Variants in EPM2A observed in about 807,000 individuals in gnomAD.
EPM2A encodes laforin.
In EPM2A, 21 loss-of-function variants were observed where a neutral mutation model predicts 26.5. The observed-to-expected ratio is 0.79, with a 90% confidence interval of 0.56 to 1.14. The LOEUF (loss-of-function observed/expected upper bound fraction) is 1.14, where lower values mean the gene tolerates loss of function less well. Among genes scored for constraint, EPM2A ranks in the 50% most tolerant of loss-of-function variants. The pLI is 0.00. For synonymous variants in EPM2A, 217 were observed against 177.6 expected (o/e 1.22, Z -1.76); for missense variants, 458 against 440.8 (o/e 1.04, Z -0.35).
chr6:145,523,650 C>T (rs938913391), intron 2 of EPM2A, among the ~76,000 whole-genome samples: 1 of 152,196 alleles, frequency 6.6e-6, no homozygotes, highest in African/African-American at 2.4e-5. Flanking sequence ...AACTCCCTCC[C>T]TCTTCTCCTG....
At chr6:145,568,684 T>A (rs1780916712) in intron 2 of EPM2A, among the ~76,000 whole-genome samples, 2 of 152,134 alleles carry the variant, frequency 1.3e-5, no homozygotes, top group South Asian at 4.1e-4. Flanking sequence ...AAGAACTGGC[T>A]TCCAATCTCC....
rs148585960 is a variant in EPM2A at position 145,530,360 on chromosome 6, C to T, written c.341-27785G>A. Among the ~76,000 whole-genome samples the T allele has an allele frequency of 5.3e-5, 8 of 152,298 alleles. No homozygotes were observed. In the South Asian group the frequency reaches 6.2e-4, roughly 12 times the overall value. On this transcript the variant is annotated intron_variant, in intron 2 of 3. Coordinates refer to the EPM2A transcript ENST00000450221. ...TAAAGTTTATTAACGAATTTACATT[C>T]GTTTTACTTCATTCACCATTATTGA...
intron 4 of EPM2A, among the ~76,000 whole-genome samples, chr6:145,403,119 A>G (rs1188653007): frequency 6.6e-6 from 1 of 152,152 alleles, no homozygotes; most frequent in African/African-American, 2.4e-5. Context: ...CATAGTAGGT[A>G]TATATATTCA....
chr6:145,528,069 A>G (rs441575), intron 2 of EPM2A, among the ~76,000 whole-genome samples: 3 of 151,932 alleles, frequency 2.0e-5, no homozygotes, highest in South Asian at 2.1e-4. Context: ...AAGACTGTCT[A>G]TTTAATTCTA....
At chr6:145,498,806 TC>T (rs1469347260), downstream of EPM2A, among the ~76,000 whole-genome samples, 4 of 152,220 alleles carry the variant, frequency 2.6e-5, no homozygotes, top group Non-Finnish European at 5.9e-5. Context: ...CTGCTTCCAG[TC>T]AGTCAACTTG....
chr6:145,565,135 C>A (rs1353582151), intron 2 of EPM2A, among the ~76,000 whole-genome samples: 1 of 152,154 alleles, frequency 6.6e-6, no homozygotes, highest in Non-Finnish European at 1.5e-5. Flanking sequence ...TGTGGAGTGT[C>A]TCTTCCCTCT....
intron 4 of EPM2A, among the ~76,000 whole-genome samples, chr6:145,440,678 A>G (rs376320675): frequency 4.6e-5 from 7 of 152,314 alleles, no homozygotes; most frequent in Admixed American, 1.3e-4. Context: ...ACTGGTCAAA[A>G]CAAAGGGGCT....
chr6:145,392,953 C>T (rs978560927), intron 4 of EPM2A, among the ~76,000 whole-genome samples: 1 of 151,040 alleles, frequency 6.6e-6, no homozygotes, highest in Non-Finnish European at 1.5e-5. Context: ...ATGATATATC[C>T]AAAAAAGGGA....
At chr6:145,650,692 G>C (rs1366546424) in intron 2 of EPM2A, among the ~76,000 whole-genome samples, 1 of 152,056 alleles carries the variant, frequency 6.6e-6, no homozygotes, top group Non-Finnish European at 1.5e-5. Context: ...AAATTCTGTA[G>C]AGCTTAAGCA....
intron 2 of EPM2A, among the ~76,000 whole-genome samples, chr6:145,512,587 C>T (rs540868525): frequency 6.6e-6 from 1 of 151,606 alleles, no homozygotes; most frequent in South Asian, 2.1e-4. Context: ...TGGTGGGCGC[C>T]TGTAATCCTA....
chr6:145,716,601 A>G (rs1012556779), intron 1 of EPM2A, among the ~76,000 whole-genome samples: 4 of 152,100 alleles, frequency 2.6e-5, no homozygotes, highest in Admixed American at 2.6e-4. Context: ...GCCGCCCCAC[A>G]GCCTCCTGCA....
intron 2 of EPM2A, chr6:145,638,345 T>C (rs4896831): frequency 0.49 from 74,456 of 152,034 alleles, 18,857 homozygotes; most frequent in African/African-American, 0.6. Flanking sequence ...ATATCCCAAA[T>C]CAGAGTCAGT....
chr6:145,609,303 A>C (rs1326497125), intron 2 of EPM2A, among the ~76,000 whole-genome samples: 1 of 152,228 alleles, frequency 6.6e-6, no homozygotes, highest in Non-Finnish European at 1.5e-5. Flanking sequence ...AACTGGGTCC[A>C]GGAATGAACA....
At chr6:145,735,115 G>T (rs1776772080) in intron 1 of EPM2A, 83 bp downstream of exon 1, 5 of 1,060,036 alleles carry the variant, frequency 4.7e-6, no homozygotes, top group Non-Finnish European at 2.6e-6. Flanking sequence ...GGCCTGCGGG[G>T]CCTGCCCGAG....
At chr6:145,461,309 C>T in intron 4 of EPM2A, among the ~76,000 whole-genome samples, 1 of 152,096 alleles carries the variant, frequency 6.6e-6, no homozygotes, top group East Asian at 1.9e-4. Flanking sequence ...TGGAGTGCAC[C>T]ATAGTCAATA....
chr6:145,470,203 A>G (rs1779456298), intron 4 of EPM2A, among the ~76,000 whole-genome samples: 1 of 152,150 alleles, frequency 6.6e-6, no homozygotes, highest in Non-Finnish European at 1.5e-5. Flanking sequence ...ATAAAATAGT[A>G]TATGTTTGAG....
intron 4 of EPM2A, among the ~76,000 whole-genome samples, chr6:145,431,064 C>T (rs897154168): frequency 6.6e-6 from 1 of 152,088 alleles, no homozygotes; most frequent in African/African-American, 2.4e-5. Flanking sequence ...TTCAAATACT[C>T]CCCCAGAAAA....
At chr6:145,608,170 G>C (rs1488726908) in intron 2 of EPM2A, among the ~76,000 whole-genome samples, 1 of 152,128 alleles carries the variant, frequency 6.6e-6, no homozygotes, top group Admixed American at 6.5e-5. Flanking sequence ...TGTTATCATT[G>C]TTCGATTTTC....
intron 4 of EPM2A, among the ~76,000 whole-genome samples, chr6:145,422,909 T>G (rs1778807994): frequency 2.6e-5 from 4 of 152,126 alleles, no homozygotes; most frequent in South Asian, 2.1e-4. Context: ...AAGCCATGAC[T>G]CACTCACTTT....
Sources: gnomAD v4.1 joint callset for allele counts (sites outside exome capture counted in the v4.1 genomes callset) on GRCh38, gnomAD v4.1.1 for gene constraint, MANE v1.5 for transcripts, NCBI Gene and HGNC (gene_info 2026-07-23, HGNC 2026-07-21) for gene names.